FBXL17: variants seen among roughly 807,000 people sequenced by gnomAD.
The protein encoded by FBXL17 is F-box/LRR-repeat protein 17.
A neutral mutation model predicts 66.2 loss-of-function variants in FBXL17; 22 were observed. The ratio of observed to expected loss-of-function variants is 0.33; its 90% CI spans 0.24 to 0.47. The LOEUF (loss-of-function observed/expected upper bound fraction) is 0.47, where lower values mean the gene tolerates loss of function less well. FBXL17 is among the 20% of genes least tolerant of loss of function. The pLI, the probability that FBXL17 is intolerant of heterozygous loss-of-function variation, is 1.00. For synonymous variants in FBXL17, 474 were observed against 400.5 expected, an observed-to-expected ratio of 1.18 and a Z score of -2.19; for missense variants, 878 against 948.2, an observed-to-expected ratio of 0.93 and a Z score of 0.97.
intron 7 of FBXL17, among the ~76,000 whole-genome samples, chr5:107,936,138 T>C (rs149173047): frequency 2.3e-4 from 29 of 127,976 alleles, no homozygotes; most frequent in African/African-American, 8.7e-4. Context: ...GTATCCATTT[T>C]TCTAAAGTTG....
intron 6 of FBXL17, among the ~76,000 whole-genome samples, chr5:108,047,340 C>T (rs1019477569): frequency 3.9e-5 from 6 of 152,222 alleles, no homozygotes; most frequent in Admixed American, 3.9e-4. Flanking sequence ...TGAACCTACA[C>T]CACGGGGACC....
chr5:108,112,280 G>T (rs2149954356), intron 6 of FBXL17, among the ~76,000 whole-genome samples: 1 of 152,320 alleles, frequency 6.6e-6, no homozygotes, highest in East Asian at 1.9e-4. Flanking sequence ...TAAGGAATAA[G>T]TGGGAAATAT....
intron 4 of FBXL17, among the ~76,000 whole-genome samples, chr5:108,261,579 A>G (rs1460791922): frequency 6.6e-6 from 1 of 152,186 alleles, no homozygotes; most frequent in Non-Finnish European, 1.5e-5. Flanking sequence ...CACAATAGAA[A>G]TGCTTTAGGC....
intron 7 of FBXL17, among the ~76,000 whole-genome samples, chr5:108,006,040 G>A (rs1037025233): frequency 6.6e-6 from 1 of 152,184 alleles, no homozygotes; most frequent in African/African-American, 2.4e-5. Context: ...TTGTCTTGCT[G>A]AGCACACTGT....
intron 4 of FBXL17, among the ~76,000 whole-genome samples, chr5:108,246,197 T>C (rs1756088640): frequency 6.6e-6 from 1 of 152,102 alleles, no homozygotes; most frequent in Admixed American, 6.5e-5. Context: ...AAGATACACA[T>C]TAGAAACTGT....
At chr5:108,067,383 ACT>A (rs1223281869) in intron 6 of FBXL17, among the ~76,000 whole-genome samples, 2 of 152,174 alleles carry the variant, frequency 1.3e-5, no homozygotes, top group Non-Finnish European at 2.9e-5. Flanking sequence ...TTCAACAAAC[ACT>A]GAGTAAATAA....
chr5:107,870,957 A>T (rs977979754), intron 8 of FBXL17, among the ~76,000 whole-genome samples: 2 of 151,310 alleles, frequency 1.3e-5, no homozygotes, highest in Non-Finnish European at 2.9e-5. Context: ...TGACCACAGA[A>T]CATCCATACA....
At position 108,381,135 on chromosome 5, in the gene FBXL17, G is replaced by C. The variant is rs1044337484; in HGVS notation, c.557C>G (p.Pro186Arg). ...TTCGGGGGGCGTAGGGAGCTCGGCC[G>C]GTGACGGTGTCGGCCCCCGGAAGAG... Reference protein sequence around the residue: ...VQLFRGPTPSPAELPTPPEMV... With the variant: ...VQLFRGPTPSRAELPTPPEMV... Residue 186 changes from proline to arginine, a missense_variant, in exon 1 of 9, where the codon CCG becomes CGG. Pro to Arg is a moderately radical substitution (Grantham distance 103). Coordinates refer to ENST00000542267, the MANE Select transcript of FBXL17 (RefSeq NM_001163315.3). The C allele has an allele frequency of 2.2e-6, 3 of 1,379,836 alleles. No individual in the cohort carries two copies. The African/African-American group carries it at 4.5e-5, about 21-fold the overall frequency. 85.5% of individuals were successfully genotyped at this position (1,379,836 alleles called of 1,614,324 possible). A position where few individuals can be genotyped will look rare whatever the true frequency, so the allele number is the denominator to read the frequency against.
intron 4 of FBXL17, among the ~76,000 whole-genome samples, chr5:108,307,543 A>G (rs1758905641): frequency 6.6e-6 from 1 of 152,022 alleles, no homozygotes; most frequent in Non-Finnish European, 1.5e-5. Context: ...CCTGGCCTCA[A>G]GCAATCCTCC....
At chr5:107,946,676 ATT>A (rs932676617) in intron 7 of FBXL17, among the ~76,000 whole-genome samples, 40 of 151,958 alleles carry the variant, frequency 2.6e-4, no homozygotes, top group African/African-American at 8.5e-4. Context: ...CCCCTGCATA[ATT>A]TTTGGGCTGG....
intron 6 of FBXL17, among the ~76,000 whole-genome samples, chr5:108,098,852 G>A (rs1040389356): frequency 6.6e-6 from 1 of 151,094 alleles, no homozygotes; most frequent in Non-Finnish European, 1.5e-5. Flanking sequence ...GTAAATGACT[G>A]TAAACATGAA....
At chr5:108,367,217 C>CA (rs1418055876) in intron 2 of FBXL17, among the ~76,000 whole-genome samples, 3 of 151,662 alleles carry the variant, frequency 2.0e-5, no homozygotes, top group Non-Finnish European at 2.9e-5. Context: ...TCTAACAAGT[C>CA]AAAAAAACTG....
At chr5:108,126,651 C>CTCTCTCTCTCTCTCTCTCTCTCTA (rs1554067324) in intron 6 of FBXL17, among the ~76,000 whole-genome samples, 3 of 108,050 alleles carry the variant, frequency 2.8e-5, no homozygotes, top group East Asian at 3.8e-4. Context: ...CTCTCTCTCT[C>CTCTCTCTCTCTCTCTCTCTCTCTA]TATATATATA....
intron 4 of FBXL17, among the ~76,000 whole-genome samples, chr5:108,258,934 A>G (rs1047780498): frequency 1.3e-4 from 20 of 152,154 alleles, no homozygotes; most frequent in Non-Finnish European, 2.9e-4. Context: ...AAAGCTAGAC[A>G]TAATAAAAGC....
chr5:108,278,273 A>G (rs1757563901), intron 4 of FBXL17, among the ~76,000 whole-genome samples: 1 of 152,300 alleles, frequency 6.6e-6, no homozygotes, highest in East Asian at 1.9e-4. Flanking sequence ...GAAAGAACAC[A>G]TCCTGGGTTC....
intron 4 of FBXL17, among the ~76,000 whole-genome samples, chr5:108,324,923 G>C (rs1759780293): frequency 6.6e-6 from 1 of 152,024 alleles, no homozygotes; most frequent in African/African-American, 2.4e-5. Flanking sequence ...ATCTGAAAAA[G>C]AAATTAAGGT....
At chr5:108,359,500 TCTCA>T (rs1748209005) in intron 3 of FBXL17, among the ~76,000 whole-genome samples, 1 of 152,182 alleles carries the variant, frequency 6.6e-6, no homozygotes, top group South Asian at 2.1e-4. Context: ...GTGTTTTCAT[TCTCA>T]CTCATCTCAA....
At chr5:108,155,573 G>T (rs545894697) in intron 6 of FBXL17, among the ~76,000 whole-genome samples, 1 of 152,212 alleles carries the variant, frequency 6.6e-6, no homozygotes, top group Admixed American at 6.5e-5. Flanking sequence ...TAGCTAGGAG[G>T]GGTAAAACTC....
intron 5 of FBXL17, among the ~76,000 whole-genome samples, chr5:108,202,218 T>A (rs1222774202): frequency 3.3e-5 from 5 of 152,152 alleles, no homozygotes; most frequent in Non-Finnish European, 5.9e-5. Context: ...TTAGGACTTT[T>A]ATAAACTGAG....
Sources: allele counts gnomAD v4.1 joint callset (sites outside exome capture counted in the v4.1 genomes callset), GRCh38; gene constraint gnomAD v4.1.1; transcripts MANE v1.5; gene names NCBI Gene and HGNC (gene_info 2026-07-23, HGNC 2026-07-21).